INSYN2B: variants seen among roughly 807,000 people sequenced by gnomAD.
The protein encoded by INSYN2B is protein INSYN2B.
In INSYN2B, 16 loss-of-function variants were observed where a neutral mutation model predicts 41.2. The ratio of observed to expected loss-of-function variants is 0.39; its 90% CI spans 0.26 to 0.59. The LOEUF (loss-of-function observed/expected upper bound fraction) is 0.59. Ranked by LOEUF, INSYN2B falls within the 20% of genes least tolerant of loss-of-function variation. INSYN2B has a pLI of 0.57. For missense variants in INSYN2B, 608 were observed against 646.4 expected (o/e 0.94, Z 0.64); for synonymous variants, 245 against 244.4 (o/e 1.00, Z -0.02).
intron 1 of INSYN2B, among the ~76,000 whole-genome samples, chr5:169,977,836 C>A (rs935349421): frequency 3.9e-5 from 6 of 152,300 alleles, no homozygotes; most frequent in African/African-American, 1.4e-4. Flanking sequence ...GTTTTAGAGT[C>A]CCTGTTTTTC....
At chr5:169,873,540 A>C (rs1435093049) in intron 3 of INSYN2B, among the ~76,000 whole-genome samples, 2 of 152,154 alleles carry the variant, frequency 1.3e-5, no homozygotes, top group African/African-American at 2.4e-5. Context: ...TTTACTGTGG[A>C]CTTCATTGCT....
chr5:169,978,285 C>T (rs948510032), intron 1 of INSYN2B, among the ~76,000 whole-genome samples: 1 of 148,780 alleles, frequency 6.7e-6, no homozygotes, highest in African/African-American at 2.5e-5. Context: ...TGCCCCTCGC[C>T]CCTATTTTGT....
intron 1 of INSYN2B, among the ~76,000 whole-genome samples, chr5:169,900,378 T>G (rs970435973): frequency 5.9e-5 from 9 of 152,052 alleles, no homozygotes; most frequent in African/African-American, 2.2e-4. Flanking sequence ...GTGCCTTGAG[T>G]CTAGACGTGA....
chr5:169,892,684 C>T (rs1243601900), intron 1 of INSYN2B, among the ~76,000 whole-genome samples: 1 of 152,224 alleles, frequency 6.6e-6, no homozygotes, highest in Non-Finnish European at 1.5e-5. Flanking sequence ...TCTACCTCCT[C>T]TTCATTTTTA....
chr5:169,954,222 G>A (rs1416927906), intron 1 of INSYN2B, among the ~76,000 whole-genome samples: 1 of 152,216 alleles, frequency 6.6e-6, no homozygotes. Context: ...CTAACTCATG[G>A]CTATGAAGCC....
chr5:169,895,753 C>G (rs537820617), intron 1 of INSYN2B, among the ~76,000 whole-genome samples: 1 of 152,284 alleles, frequency 6.6e-6, no homozygotes, highest in South Asian at 2.1e-4. Context: ...TACACCTAAA[C>G]TTGCTGAATG....
chr5:169,907,907 G>C (rs1332617255), intron 1 of INSYN2B, among the ~76,000 whole-genome samples: 1 of 152,234 alleles, frequency 6.6e-6, no homozygotes, highest in Non-Finnish European at 1.5e-5. Context: ...CCGTTGGCCA[G>C]TCCGTGTCGG....
At chr5:169,886,322 G>T (rs1581359179) in intron 1 of INSYN2B, among the ~76,000 whole-genome samples, 1 of 152,228 alleles carries the variant, frequency 6.6e-6, no homozygotes, top group Non-Finnish European at 1.5e-5. Flanking sequence ...TGAACCTACT[G>T]GTCCCGAGTT....
At chr5:169,955,580 T>C (rs890646432) in intron 1 of INSYN2B, among the ~76,000 whole-genome samples, 3 of 152,210 alleles carry the variant, frequency 2.0e-5, no homozygotes, top group African/African-American at 4.8e-5. Context: ...TATGACCTTG[T>C]TGGTTCTTTC....
chr5:169,945,859 C>T (rs959590845), intron 1 of INSYN2B, among the ~76,000 whole-genome samples: 23 of 152,186 alleles, frequency 1.5e-4, no homozygotes, highest in African/African-American at 5.5e-4. Context: ...TTTCTTGACT[C>T]GTCCTTATTT....
chr5:169,888,029 T>C (rs1773073758), intron 1 of INSYN2B, among the ~76,000 whole-genome samples: 1 of 152,160 alleles, frequency 6.6e-6, no homozygotes, highest in African/African-American at 2.4e-5. Flanking sequence ...CAACGTTTGA[T>C]ACAAATAAAG....
In INSYN2B at chr5:169,891,224, T is replaced by C. The variant is rs191218452; in HGVS notation, c.-918-6408A>G. ...TTTCCCCAGATCCTTCCAAGCCTGT[T>C]ATCTCCAGGAGACACTCCCTGACCC... On this transcript the variant is annotated intron_variant, in intron 1 of 3. Transcript: ENST00000377365. Among the ~76,000 whole-genome samples the C allele has an allele frequency of 4.4e-3, 668 of 152,320 alleles. 7 individuals carry two copies. Among genetic ancestry groups the C allele is most frequent in the African/African-American group, 0.015 (625 of 41,564 alleles).
intron 1 of INSYN2B, among the ~76,000 whole-genome samples, chr5:169,934,291 C>A (rs1164656003): frequency 6.6e-6 from 1 of 152,200 alleles, no homozygotes; most frequent in Non-Finnish European, 1.5e-5. Context: ...GGGAAGACTT[C>A]TCTGATTTCC....
At chr5:169,962,792 G>A (rs1260443674) in intron 1 of INSYN2B, among the ~76,000 whole-genome samples, 3 of 152,198 alleles carry the variant, frequency 2.0e-5, no homozygotes, top group African/African-American at 7.2e-5. Context: ...CTGCTGAGAT[G>A]GCAAGTGTCA....
intron 3 of INSYN2B, among the ~76,000 whole-genome samples, chr5:169,876,063 C>G (rs1189201856): frequency 6.6e-6 from 1 of 152,194 alleles, no homozygotes; most frequent in Non-Finnish European, 1.5e-5. Flanking sequence ...CCTTCTCTCA[C>G]TTTTGGGGTC....
At chr5:169,903,839 C>T (rs961892783) in intron 1 of INSYN2B, among the ~76,000 whole-genome samples, 3 of 151,938 alleles carry the variant, frequency 2.0e-5, no homozygotes, top group Admixed American at 2.0e-4. Context: ...GTGGCTCATG[C>T]CTGTAATCCC....
intron 1 of INSYN2B, among the ~76,000 whole-genome samples, chr5:169,965,802 A>C (rs138690169): frequency 1.5e-4 from 23 of 152,348 alleles, no homozygotes; most frequent in Non-Finnish European, 2.4e-4. Flanking sequence ...TGAGGCCTAT[A>C]GAGGTTAAAA....
At chr5:169,870,263 C>T (rs908824237) in intron 3 of INSYN2B, among the ~76,000 whole-genome samples, 3 of 152,134 alleles carry the variant, frequency 2.0e-5, no homozygotes, top group African/African-American at 7.2e-5. Context: ...ACTAATCTGG[C>T]TTACAGATCA....
chr5:169,912,440 C>A (rs192968712), intron 1 of INSYN2B, among the ~76,000 whole-genome samples: 3 of 152,302 alleles, frequency 2.0e-5, no homozygotes, highest in East Asian at 3.9e-4. Context: ...CTTAGCCACA[C>A]ACAAATTCAT....
Sources: gnomAD v4.1 joint callset for allele counts (sites outside exome capture counted in the v4.1 genomes callset) on GRCh38, gnomAD v4.1.1 for gene constraint, MANE v1.5 for transcripts, NCBI Gene and HGNC (gene_info 2026-07-23, HGNC 2026-07-21) for gene names.